Variants in ZMYM2 observed in about 807,000 individuals in gnomAD.
ZMYM2 encodes the protein zinc finger MYM-type containing 2.
In ZMYM2, 56 loss-of-function variants were observed where a neutral mutation model predicts 162.8. That is an observed-to-expected ratio of 0.34 (90% CI 0.28 to 0.43). ZMYM2 has a LOEUF of 0.43. Ranked by LOEUF, ZMYM2 falls within the 20% of genes least tolerant of loss-of-function variation. The probability of loss-of-function intolerance (pLI) is 1.00; values close to 1 mark genes in which losing one functional copy is unlikely to be tolerated. For synonymous variants in ZMYM2, 510 were observed against 541.6 expected (o/e 0.94, Z 0.81); for missense variants, 1,275 against 1,621.8 (o/e 0.79, Z 3.67).
At chr13:19,929,975 AAAGTC>A in the ZMYM2 span, among the ~76,000 whole-genome samples, 4 of 152,220 alleles carry the variant, frequency 2.6e-5, no homozygotes, top group African/African-American at 9.6e-5. Flanking sequence ...TAAAGCTTTT[AAAGTC>A]TGGGATGGTA....
intron 16 of ZMYM2, among the ~76,000 whole-genome samples, chr13:20,059,791 T>G (rs1956095363): frequency 6.6e-6 from 1 of 152,046 alleles, no homozygotes; most frequent in African/African-American, 2.4e-5. Flanking sequence ...ATCCCAGCAC[T>G]TTGGGAGGCT....
At chr13:20,033,425 TG>T (rs1253080405) in intron 10 of ZMYM2, among the ~76,000 whole-genome samples, 1 of 152,188 alleles carries the variant, frequency 6.6e-6, no homozygotes, top group Non-Finnish European at 1.5e-5. Context: ...TCACTCCATG[TG>T]GCTTCTTTGT....
intron 2 of ZMYM2, among the ~76,000 whole-genome samples, chr13:19,970,288 G>A (rs144897763): frequency 3.7e-4 from 56 of 152,192 alleles, no homozygotes; most frequent in African/African-American, 1.3e-3. Flanking sequence ...AAGGAAGTAT[G>A]GGTTTATTTA....
chr13:19,931,337 A>G, the ZMYM2 span, among the ~76,000 whole-genome samples: 2 of 151,766 alleles, frequency 1.3e-5, no homozygotes, highest in African/African-American at 4.8e-5. Context: ...CTAGCTAACT[A>G]TTGTTCATAT....
At chr13:19,985,205 C>T (rs1221212413) in intron 2 of ZMYM2, among the ~76,000 whole-genome samples, 3 of 152,128 alleles carry the variant, frequency 2.0e-5, no homozygotes, top group South Asian at 2.1e-4. Context: ...CTTACAGCAA[C>T]CTCTGCTTCC....
chr13:19,888,127 G>A, the ZMYM2 span, among the ~76,000 whole-genome samples: 26 of 151,654 alleles, frequency 1.7e-4, no homozygotes, highest in African/African-American at 5.8e-4. Context: ...GATCCTCCTA[G>A]CTTGACCTCC....
At chr13:19,962,515 A>ATATATATT (rs1371972440) in intron 2 of ZMYM2, among the ~76,000 whole-genome samples, 7 of 38,930 alleles carry the variant, frequency 1.8e-4, no homozygotes, top group Admixed American at 1.0e-3. Context: ...ATATATATAT[A>ATATATATT]TTTTTTTTTT....
At chr13:20,019,902 C>A in intron 7 of ZMYM2, 1 of 222,810 alleles carries the variant, frequency 4.5e-6, no homozygotes. Flanking sequence ...ACACAGTAGG[C>A]ATTTAATAAA....
intron 2 of ZMYM2, among the ~76,000 whole-genome samples, chr13:19,983,448 A>T (rs1010559400): frequency 6.6e-6 from 1 of 151,660 alleles, no homozygotes; most frequent in African/African-American, 2.4e-5. Flanking sequence ...GCCCGGCCTC[A>T]CATTTTTATA....
chr13:20,026,914 G>A (rs1479495325), intron 8 of ZMYM2, among the ~76,000 whole-genome samples, 152 bp downstream of exon 8: 1 of 151,710 alleles, frequency 6.6e-6, no homozygotes, highest in African/African-American at 2.4e-5. Context: ...TGATTATTCT[G>A]TACTACTTTT....
intron 7 of ZMYM2, 55 bp from the exon 8 acceptor site, chr13:20,026,554 ATTC>A: frequency 6.6e-7 from 1 of 1,504,478 alleles, no homozygotes; most frequent in South Asian, 1.3e-5. Context: ...AAAATTGGTA[ATTC>A]TTTTCTAGTT....
chr13:20,020,578 A>G (rs1269317770), intron 7 of ZMYM2, among the ~76,000 whole-genome samples: 1 of 151,458 alleles, frequency 6.6e-6, no homozygotes, highest in Non-Finnish European at 1.5e-5. Flanking sequence ...TTCTTCTGAG[A>G]CCCCAATTCC....
At chr13:19,988,277 C>CTT (rs1427367232) in intron 2 of ZMYM2, among the ~76,000 whole-genome samples, 4 of 152,150 alleles carry the variant, frequency 2.6e-5, no homozygotes, top group Non-Finnish European at 5.9e-5. Flanking sequence ...GACACTAGAA[C>CTT]TTGGTTTATG....
chr13:19,997,737 C>G (rs554076091), intron 3 of ZMYM2, among the ~76,000 whole-genome samples: 1 of 151,912 alleles, frequency 6.6e-6, no homozygotes, highest in Non-Finnish European at 1.5e-5. Context: ...GTTGTCTTAC[C>G]GCTGAGAATC....
intron 2 of ZMYM2, among the ~76,000 whole-genome samples, chr13:19,974,730 G>A (rs1157322460): frequency 6.6e-6 from 1 of 151,986 alleles, no homozygotes; most frequent in African/African-American, 2.4e-5. Flanking sequence ...TCAGCCTCCC[G>A]AAGTGCTGGG....
At chr13:20,052,501 G>A (rs1247799246) in intron 14 of ZMYM2, among the ~76,000 whole-genome samples, 190 bp downstream of exon 14, 1 of 151,852 alleles carries the variant, frequency 6.6e-6, no homozygotes, top group African/African-American at 2.4e-5. Flanking sequence ...ATATAAAGGA[G>A]AATTAATTAT....
intron 21 of ZMYM2, among the ~76,000 whole-genome samples, chr13:20,069,616 T>C (rs1956930534): frequency 6.6e-6 from 1 of 152,050 alleles, no homozygotes; most frequent in Admixed American, 6.6e-5. Context: ...AATAATGGTA[T>C]GAATATAAAT....
chr13:19,885,919 A>ATATATATG, the ZMYM2 span, among the ~76,000 whole-genome samples: 1 of 49,732 alleles, frequency 2.0e-5, no homozygotes, highest in Non-Finnish European at 4.8e-5. Context: ...GTATATACAC[A>ATATATATG]TATATATGTG....
rs546024722 is a variant in ZMYM2, at chr13:19,986,018, C to G, written c.-10-7045C>G. Among the ~76,000 whole-genome samples, 9 of 151,972 alleles carry G rather than the reference C, an allele frequency of 5.9e-5. No homozygotes were observed. In the East Asian group the frequency reaches 1.8e-3, roughly 30 times the overall value. ...TCAGGGCAACATGGCAAAACCCTGT[C>G]TCTGCAAAAAAATACAAAAAAATCA... On this transcript the variant is annotated intron_variant, in intron 2 of 24. Transcript: ENST00000610343.
Sources: gnomAD v4.1 joint callset for allele counts (sites outside exome capture counted in the v4.1 genomes callset) on GRCh38, gnomAD v4.1.1 for gene constraint, MANE v1.5 for transcripts, NCBI Gene and HGNC (gene_info 2026-07-23, HGNC 2026-07-21) for gene names.